Variants in ZNF546 observed in about 807,000 individuals in gnomAD.
ZNF546 encodes zinc finger protein 546.
A neutral mutation model predicts 76.2 loss-of-function variants in ZNF546; 60 were observed. That is an observed-to-expected ratio of 0.79 (90% CI 0.64 to 0.98). The LOEUF is 0.98. Ranked by LOEUF, ZNF546 falls within the 50% of genes least tolerant of loss-of-function variation. ZNF546 has a pLI of 0.00. For missense variants in ZNF546, 936 were observed against 1,035.6 expected, an observed-to-expected ratio of 0.90 and a Z score of 1.32; for synonymous variants, 277 against 328.1, an observed-to-expected ratio of 0.84 and a Z score of 1.68.
At position 40,021,011 on chromosome 19, in the gene ZNF546, A is replaced by G. The variant is rs1422451820; in HGVS notation, c.*5230A>G. The G allele has an allele frequency of 6.6e-6, 1 of 152,230 alleles. No individual in the cohort carries two copies. Among genetic ancestry groups the G allele is most frequent in the Non-Finnish European group, 1.5e-5 (1 of 68,026 alleles). The allele number at this position is 152,230 out of a possible 1,614,324, so 9.4% of individuals were successfully genotyped here. Reference sequence around the variant, plus strand: ...TTAACAGGTTTTCACTATTTCAAATATACTTCAATAAATATCCTTGTCTGT... The same window carrying G: ...TTAACAGGTTTTCACTATTTCAAATGTACTTCAATAAATATCCTTGTCTGT... On this transcript the variant is annotated 3_prime_UTR_variant, in exon 7 of 7. Transcript: ENST00000347077.
rs573609452 is a variant in ZNF546 at position 40,016,318 on chromosome 19, C to G, written c.*537C>G. On this transcript the variant is annotated 3_prime_UTR_variant, in exon 7 of 7. Coordinates refer to ENST00000347077, the MANE Select transcript of ZNF546 (RefSeq NM_178544.5). The stretch of plus-strand genomic sequence containing the variant: ...AGCAGATCACCTGAGGTCAGGAGTT[C>G]AAGACCAGCCTGGCCAACATGGTGA... 1.3e-5 allele frequency: 2 copies of G among 154,676 alleles called. No individual in the cohort carries two copies. The highest frequency in any genetic ancestry group is 1.3e-4 in the Admixed American group (2 of 15,654). The allele number at this position is 154,676 out of a possible 1,614,324, so 9.6% of individuals were successfully genotyped here.
In ZNF546 at chr19:40,017,565, G is replaced by A. The variant is rs139860814; in HGVS notation, c.*1784G>A. On this transcript the variant is annotated 3_prime_UTR_variant, in exon 7 of 7. Transcript: ENST00000347077. ...TTGCTATATAACAATTGTCCAACCT[G>A]TCTGTGCCCCAGGGCAGCTTTGAAT... 42 of 152,326 alleles carry A rather than the reference G, an allele frequency of 2.8e-4. No individual in the cohort carries two copies. Among genetic ancestry groups the A allele is most frequent in the African/African-American group, 9.4e-4 (39 of 41,580 alleles). The allele number at this position is 152,326 out of a possible 1,614,324, so 9.4% of individuals were successfully genotyped here.
In ZNF546 at chr19:40,019,453, T is replaced by C. The variant is rs927677075; in HGVS notation, c.*3672T>C. The C allele has an allele frequency of 1.3e-5, 2 of 152,198 alleles. No individual in the cohort carries two copies. The highest frequency in any genetic ancestry group is 1.3e-4 in the Admixed American group (2 of 15,280). 9.4% of individuals were successfully genotyped at this position (152,198 alleles called of 1,614,324 possible). ...AATGAATTTGAAAATAAAATAGACT[T>C]ATTAAGGCTTTGTGAAAAAATATTA... On this transcript the variant is annotated 3_prime_UTR_variant, in exon 7 of 7. Transcript: ENST00000347077.
chr19:39,997,496 A>G (rs1260491363), intron 1 of ZNF546, among the ~76,000 whole-genome samples: 3 of 152,128 alleles, frequency 2.0e-5, no homozygotes, highest in Admixed American at 2.0e-4. Context: ...AGGGAAGTCA[A>G]ATATCGAGCT....
At chr19:39,997,335 G>A (rs1454644956) in intron 1 of ZNF546, 178 bp downstream of exon 1, 1 of 153,018 alleles carries the variant, frequency 6.5e-6, no homozygotes, top group Admixed American at 6.5e-5. Flanking sequence ...GTATGTGTGT[G>A]TGTGCGCGCG....
chr19:40,003,627 AAT>A (rs1473128644), intron 3 of ZNF546, among the ~76,000 whole-genome samples: 3 of 152,294 alleles, frequency 2.0e-5, no homozygotes, highest in East Asian at 3.9e-4. Context: ...AAGACATTGC[AAT>A]ATATTAGCAT....
chr19:40,015,209 A>G lies in ZNF546; in HGVS notation c.1939A>G (p.Ile647Val), dbSNP rs771628335. The change falls in exon 7 of 7, where the codon ATT (isoleucine) becomes GTT (valine). Residue 647 changes from isoleucine (I) to valine (V), a missense_variant. Ile to Val is a conservative substitution (Grantham distance 29). Coordinates refer to ENST00000347077, the MANE Select transcript of ZNF546 (RefSeq NM_178544.5). ...ATGTACAGAATGTGGGAAGGCCTTT[A>G]TTCGTAGCACTCATCTCACGCAACA... The part of the protein sequence containing the change: ...YKCTECGKAF[I>V]RSTHLTQHHR... The G allele has an allele frequency of 1.2e-6, 2 of 1,613,894 alleles. No individual in the cohort carries two copies. Among genetic ancestry groups the G allele is most frequent in the Non-Finnish European group, 1.7e-6 (2 of 1,179,974 alleles).
chr19:39,998,644 G>A, intron 3 of ZNF546: 1 of 489,744 alleles, frequency 2.0e-6, no homozygotes, highest in Non-Finnish European at 3.6e-6. Flanking sequence ...AGAAATCTGT[G>A]TGAACATGAG....
At position 39,998,367 on chromosome 19, in the gene ZNF546, T is replaced by G. The variant is rs1447575788; in HGVS notation, c.41T>G (p.Phe14Cys). The G allele has an allele frequency of 6.2e-7, 1 of 1,614,220 alleles. No individual in the cohort carries two copies. The highest frequency in any genetic ancestry group is 8.5e-7 in the Non-Finnish European group (1 of 1,180,030). ...DPPLHGPPND[F>C]LIFQIIPLHS... ...CCTCTTCACGGGCCTCCAAATGACT[T>G]TCTCATTTTTCAAATCATTCCTCTG... Residue 14 changes from phenylalanine to cysteine, a missense_variant, in exon 3 of 7, where the codon TTT (phenylalanine) becomes TGT (cysteine). By Grantham distance (205) the Phe-to-Cys change is radical (BLOSUM62 -2). Coordinates refer to ENST00000347077, the MANE Select transcript of ZNF546 (RefSeq NM_178544.5).
Position 40,006,023 on chromosome 19 carries a change from A to C in ZNF546, c.85-73A>C, listed in dbSNP as rs1227038774. On this transcript the variant is annotated intron_variant, in intron 3 of 6. Transcript: ENST00000347077. Reference sequence around the variant, plus strand: ...GAAGTAGAAATGATGGCATAACAGGATCTTATTAACTTAAGTCATTTTAGG... The same window carrying C: ...GAAGTAGAAATGATGGCATAACAGGCTCTTATTAACTTAAGTCATTTTAGG... 7.9e-6 allele frequency: 10 copies of C among 1,260,794 alleles called. No individual in the cohort carries two copies. The African/African-American group carries it at 1.3e-4, about 17-fold the overall frequency. 78.1% of individuals were successfully genotyped at this position (1,260,794 alleles called of 1,614,324 possible). A position where few individuals can be genotyped will look rare whatever the true frequency, so the allele number is the denominator to read the frequency against.
rs1039559908 is a variant in ZNF546 at position 40,017,911 on chromosome 19, C to A, written c.*2130C>A. 7 of 147,230 alleles carry A rather than the reference C, an allele frequency of 4.8e-5. No homozygotes were observed. Among genetic ancestry groups the A allele is most frequent in the African/African-American group, 1.8e-4 (7 of 39,774 alleles). 9.1% of individuals were successfully genotyped at this position (147,230 alleles called of 1,614,324 possible). On this transcript the variant is annotated 3_prime_UTR_variant, in exon 7 of 7. Coordinates refer to ENST00000347077, the MANE Select transcript of ZNF546 (RefSeq NM_178544.5). ...TCATGAATTACATTTGTGCATTGTT[C>A]GTCTCTTTTAAAGTAAGAATGGCCC...
rs146569548 is a variant in ZNF546, at chr19:40,008,500, C to T, written c.329C>T (p.Thr110Ile). The change falls in exon 6 of 7, where the codon ACT becomes ATT. Residue 110 changes from threonine (T) to isoleucine (I), a missense_variant. By Grantham distance (89) the Thr-to-Ile change is moderately conservative. Coordinates refer to ENST00000347077, the MANE Select transcript of ZNF546 (RefSeq NM_178544.5). ...ACCATTCCTAAGCCAGATGTGATTA[C>T]TTTATTGGAGCAAGAGAAAGAGCCC... is the stretch of plus-strand genomic sequence containing the variant. ...GYTIPKPDVI[T>I]LLEQEKEPWI... The T allele has an allele frequency of 1.9e-6, 3 of 1,611,716 alleles. No individual in the cohort carries two copies. Among genetic ancestry groups the T allele is most frequent in the East Asian group, 4.5e-5 (2 of 44,836 alleles).
intron 6 of ZNF546, among the ~76,000 whole-genome samples, chr19:40,012,096 T>C (rs1219224887): frequency 6.6e-6 from 1 of 151,336 alleles, no homozygotes; most frequent in Non-Finnish European, 1.5e-5. Flanking sequence ...TGACTAGCAA[T>C]GAGTTTGAGG....
In ZNF546 at chr19:40,014,649, A is replaced by AT. The variant is rs1971729358; in HGVS notation, c.1380dup (p.Arg461Ter). The stretch of plus-strand genomic sequence containing the variant: ...CTTCAAACGGAACTTACTCGGCATC[A>AT]TAGAACTCATACTGGTGAGAAACCC... On this transcript the variant is annotated frameshift_variant, in exon 7 of 7. Transcript: ENST00000347077. LOFTEE classifies it high-confidence loss of function. 6.2e-7 allele frequency: 1 copy of AT among 1,613,388 alleles called. No homozygotes were observed. The highest frequency in any genetic ancestry group is 8.5e-7 in the Non-Finnish European group (1 of 1,179,708).
intron 3 of ZNF546, among the ~76,000 whole-genome samples, chr19:40,001,949 C>A (rs1971536480): frequency 6.6e-6 from 1 of 152,188 alleles, no homozygotes; most frequent in South Asian, 2.1e-4. Flanking sequence ...ATCTTCGTGA[C>A]AACCCTATGA....
At chr19:40,007,541 A>T (rs1971620319) in intron 5 of ZNF546, 141 bp downstream of exon 5, 2 of 852,108 alleles carry the variant, frequency 2.3e-6, no homozygotes, top group South Asian at 4.3e-5. Context: ...TTGGGGTGGA[A>T]ATGGGCACCT....
chr19:40,007,140 C>A, intron 4 of ZNF546, 134 bp from the exon 5 acceptor site: 1 of 536,226 alleles, frequency 1.9e-6, no homozygotes. Flanking sequence ...ATATTAATTT[C>A]TTTATTCTTT....
intron 3 of ZNF546, among the ~76,000 whole-genome samples, chr19:40,004,242 A>G (rs1200780661): frequency 1.3e-5 from 2 of 151,216 alleles, no homozygotes; most frequent in African/African-American, 4.9e-5. Flanking sequence ...ATAAGTACAT[A>G]TGTATGCCGG....
rs376132356 is a variant in ZNF546 at position 40,014,892 on chromosome 19, C to G, written c.1622C>G (p.Thr541Ser). The G allele has an allele frequency of 1.7e-5, 27 of 1,602,432 alleles. No individual in the cohort carries two copies. Among genetic ancestry groups the G allele is most frequent in the Non-Finnish European group, 2.2e-5 (26 of 1,169,766 alleles). The change falls in exon 7 of 7, where the codon ACC becomes AGC. Residue 541 changes from threonine to serine, a missense_variant. By Grantham distance (58) the Thr-to-Ser change is moderately conservative (BLOSUM62 1). Coordinates refer to ENST00000347077, the MANE Select transcript of ZNF546 (RefSeq NM_178544.5). Reference sequence around the variant, plus strand: ...GCCTTTCGTCTTCAAGGAGAACTTACCCGACATCACAGAATTCATACATGT... The same window carrying G: ...GCCTTTCGTCTTCAAGGAGAACTTAGCCGACATCACAGAATTCATACATGT... Reference protein sequence around the residue: ...GKAFRLQGELTRHHRIHTCEK... With the variant: ...GKAFRLQGELSRHHRIHTCEK...
Sources: allele counts gnomAD v4.1 joint callset (sites outside exome capture counted in the v4.1 genomes callset), GRCh38; gene constraint gnomAD v4.1.1; transcripts MANE v1.5; gene names NCBI Gene and HGNC (gene_info 2026-07-23, HGNC 2026-07-21).